Variants in CHSY3 observed in about 807,000 individuals in gnomAD.
CHSY3 encodes the protein N-acetylgalactosaminyl-proteoglycan 3-beta-glucuronosyltransferase 3.
In CHSY3, 35 loss-of-function variants were observed where a neutral mutation model predicts 67.2. That is an observed-to-expected ratio of 0.52 (90% CI 0.40 to 0.69). The LOEUF (loss-of-function observed/expected upper bound fraction) is 0.69, where lower values mean the gene tolerates loss of function less well. Among genes scored for constraint, CHSY3 ranks in the 30% least tolerant of loss-of-function variants. The pLI, the probability that CHSY3 is intolerant of heterozygous loss-of-function variation, is 0.00. For missense variants in CHSY3, 1,069 were observed against 1,138.5 expected (o/e 0.94, Z 0.88); for synonymous variants, 474 against 434.7 (o/e 1.09, Z -1.12).
At position 130,046,188 on chromosome 5, in the gene CHSY3, A is replaced by G. The variant is rs141801632; in HGVS notation, c.1086+137828A>G. The stretch of plus-strand genomic sequence containing the variant: ...TAAGTCAAAGTAATGCTGCTTTTGG[A>G]ATTTAGATTTCTTGCATCCAAATCT... On this transcript the variant is annotated intron_variant, in intron 2 of 2. Transcript: ENST00000305031. Among the ~76,000 whole-genome samples, 86 of 152,160 alleles carry G rather than the reference A, an allele frequency of 5.7e-4. 2 individuals carry two copies. The East Asian group carries it at 0.014, about 25-fold the overall frequency.
chr5:129,981,453 T>A (rs370648792), intron 2 of CHSY3, among the ~76,000 whole-genome samples: 1 of 152,096 alleles, frequency 6.6e-6, no homozygotes, highest in Admixed American at 6.5e-5. Context: ...GATGATCATG[T>A]CATCTGCAAA....
chr5:129,911,783 G>A (rs957646366), intron 2 of CHSY3, among the ~76,000 whole-genome samples: 1 of 152,158 alleles, frequency 6.6e-6, no homozygotes. Flanking sequence ...TGGGCTGGGC[G>A]CAGTGGCTCA....
rs1764767636 is a variant in CHSY3, at chr5:130,033,654, C to A, written c.1086+125294C>A. Among the ~76,000 whole-genome samples, 5 of 152,154 alleles carry A rather than the reference C, an allele frequency of 3.3e-5. No homozygotes were observed. The South Asian group carries it at 1.0e-3, about 32-fold the overall frequency. ...TTTTATGTACAAGAAACAAACCCCA[C>A]TGATAAATGGAGATGCTGGAGTCTG... On this transcript the variant is annotated intron_variant, in intron 2 of 2. Transcript: ENST00000305031.
intron 2 of CHSY3, among the ~76,000 whole-genome samples, chr5:130,108,765 C>G (rs1189456369): frequency 1.3e-5 from 2 of 151,626 alleles, no homozygotes; most frequent in African/African-American, 4.8e-5. Context: ...GCTATATTAT[C>G]AACTTCAAAG....
intron 2 of CHSY3, among the ~76,000 whole-genome samples, chr5:130,112,100 G>GC (rs1767609000): frequency 6.6e-6 from 1 of 152,072 alleles, no homozygotes; most frequent in Admixed American, 6.6e-5. Context: ...CAAGTCAGCT[G>GC]CATCTGTGTT....
rs182229525 is a variant in CHSY3, at chr5:130,173,756, C to T, written c.1087-10473C>T. Among the ~76,000 whole-genome samples, 222 of 152,046 alleles carry T rather than the reference C, an allele frequency of 1.5e-3. 1 individual carries two copies. The highest frequency in any genetic ancestry group is 2.5e-3 in the Admixed American group (38 of 15,270). On this transcript the variant is annotated intron_variant, in intron 2 of 2. Coordinates refer to ENST00000305031, the MANE Select transcript of CHSY3 (RefSeq NM_175856.5). Reference sequence around the variant, plus strand: ...ATACGCTCTTTAACATGTTTTCATTCTTTCCATAATTATAGAATGAAATAT... The same window carrying T: ...ATACGCTCTTTAACATGTTTTCATTTTTTCCATAATTATAGAATGAAATAT...
chr5:130,093,722 G>C (rs1766954723), intron 2 of CHSY3, among the ~76,000 whole-genome samples: 1 of 152,052 alleles, frequency 6.6e-6, no homozygotes, highest in African/African-American at 2.4e-5. Flanking sequence ...TTCTCTGCTT[G>C]ATTATATCTC....
At chr5:129,978,755 T>C (rs927172769) in intron 2 of CHSY3, among the ~76,000 whole-genome samples, 2 of 152,110 alleles carry the variant, frequency 1.3e-5, no homozygotes, top group Non-Finnish European at 2.9e-5. Flanking sequence ...TTTATCTAAA[T>C]ATATAAAAGT....
chr5:130,065,602 G>T (rs746768657), intron 2 of CHSY3, among the ~76,000 whole-genome samples: 1 of 152,046 alleles, frequency 6.6e-6, no homozygotes, highest in Non-Finnish European at 1.5e-5. Context: ...ACCAAAGACT[G>T]TCCCTGAGAA....
chr5:129,946,654 G>A (rs1237886340), intron 2 of CHSY3, among the ~76,000 whole-genome samples: 1 of 152,140 alleles, frequency 6.6e-6, no homozygotes, highest in Non-Finnish European at 1.5e-5. Flanking sequence ...ATTTCTATGA[G>A]TTTGACTCTT....
intron 2 of CHSY3, among the ~76,000 whole-genome samples, chr5:129,914,037 A>C (rs1760655589): frequency 6.6e-6 from 1 of 152,178 alleles, no homozygotes; most frequent in East Asian, 1.9e-4. Flanking sequence ...TTAATAACAT[A>C]TTTTTAAGGT....
chr5:130,033,379 A>G (rs1764755313), intron 2 of CHSY3, among the ~76,000 whole-genome samples: 3 of 151,948 alleles, frequency 2.0e-5, no homozygotes, highest in Admixed American at 1.3e-4. Flanking sequence ...GTAGCTTCTA[A>G]CTCTTCCAGT....
At chr5:130,154,907 C>A (rs1769328276) in intron 2 of CHSY3, among the ~76,000 whole-genome samples, 2 of 152,132 alleles carry the variant, frequency 1.3e-5, no homozygotes, top group African/African-American at 4.8e-5. Flanking sequence ...ATCCAGATCA[C>A]CTGGGGATTT....
intron 2 of CHSY3, among the ~76,000 whole-genome samples, chr5:130,052,873 G>A (rs946425126): frequency 6.6e-5 from 10 of 152,026 alleles, no homozygotes; most frequent in Non-Finnish European, 1.5e-4. Context: ...GTAACTTTAA[G>A]TACTGGAATA....
At chr5:129,939,846 G>A (rs1761642581) in intron 2 of CHSY3, among the ~76,000 whole-genome samples, 1 of 152,072 alleles carries the variant, frequency 6.6e-6, no homozygotes, top group South Asian at 2.1e-4. Context: ...AAAGTCTGAG[G>A]ATATAAAGAC....
chr5:129,940,661 A>T (rs778751065), intron 2 of CHSY3, among the ~76,000 whole-genome samples: 8 of 151,994 alleles, frequency 5.3e-5, no homozygotes, highest in Non-Finnish European at 1.0e-4. Context: ...GCCTATCTTT[A>T]TGCATGTGTG....
At chr5:130,078,948 C>T (rs1027203792) in intron 2 of CHSY3, among the ~76,000 whole-genome samples, 3 of 152,144 alleles carry the variant, frequency 2.0e-5, no homozygotes, top group African/African-American at 7.2e-5. Flanking sequence ...AGCTCACTTG[C>T]TCAATATGCT....
At chr5:129,948,271 G>C (rs571267459) in intron 2 of CHSY3, among the ~76,000 whole-genome samples, 3 of 152,208 alleles carry the variant, frequency 2.0e-5, no homozygotes, top group Admixed American at 2.0e-4. Flanking sequence ...CTGAGATTTT[G>C]GTCCACTCAT....
chr5:130,031,177 G>T (rs971081321), intron 2 of CHSY3, among the ~76,000 whole-genome samples: 28 of 151,832 alleles, frequency 1.8e-4, no homozygotes, highest in African/African-American at 6.0e-4. Flanking sequence ...TGAAGACTGG[G>T]ATTCTGCTTC....
Sources: allele counts gnomAD v4.1 joint callset (sites outside exome capture counted in the v4.1 genomes callset), GRCh38; gene constraint gnomAD v4.1.1; transcripts MANE v1.5; gene names NCBI Gene and HGNC (gene_info 2026-07-23, HGNC 2026-07-21).